Variants in PDE6A observed in about 807,000 individuals in gnomAD.
The protein encoded by PDE6A is phosphodiesterase 6A.
PDE6A carries 84 observed loss-of-function variants against 106.3 expected under a neutral mutation model. The ratio of observed to expected loss-of-function variants is 0.79; its 90% confidence interval spans 0.66 to 0.95. The LOEUF (loss-of-function observed/expected upper bound fraction) is 0.95. Ranked by LOEUF, PDE6A falls within the 40% of genes least tolerant of loss-of-function variation. PDE6A has a pLI of 0.00. For synonymous variants in PDE6A, 394 were observed against 386.6 expected, an observed-to-expected ratio of 1.02 and a Z score of -0.23; for missense variants, 1,052 against 1,084.9, an observed-to-expected ratio of 0.97 and a Z score of 0.43.
intron 4 of PDE6A, among the ~76,000 whole-genome samples, chr5:149,924,266 C>T (rs1176194914): frequency 6.6e-6 from 1 of 152,008 alleles, no homozygotes; most frequent in Non-Finnish European, 1.5e-5. Context: ...TAGAGGAGCC[C>T]AGAAGAAGAA....
intron 1 of PDE6A, 55 bp downstream of exon 1, chr5:149,944,145 C>T: frequency 6.9e-7 from 1 of 1,445,092 alleles, no homozygotes; most frequent in Non-Finnish European, 9.7e-7. Context: ...CACCTGTACC[C>T]CAGAACTCCA....
intron 17 of PDE6A, among the ~76,000 whole-genome samples, chr5:149,878,002 C>T (rs183021678): frequency 1.2e-4 from 18 of 152,264 alleles, no homozygotes; most frequent in Admixed American, 2.6e-4. Flanking sequence ...ATAGTCCCTC[C>T]GTTTGGCTGC....
chr5:149,873,332 CT>C (rs527562371), intron 17 of PDE6A, among the ~76,000 whole-genome samples: 9,375 of 137,172 alleles, frequency 0.068, 226 homozygotes, highest in Non-Finnish European at 0.091. Flanking sequence ...ATGAGATACT[CT>C]TTTTTTTTTT....
At chr5:149,943,781 A>ACTGTGTAGAAGTACTGTGGAG (rs1561794815) in intron 1 of PDE6A, among the ~76,000 whole-genome samples, 1 of 151,042 alleles carries the variant, frequency 6.6e-6, no homozygotes, top group Admixed American at 6.6e-5. Context: ...GTACTGTGGA[A>ACTGTGTAGAAGTACTGTGGAG]GTACTGTGTA....
At chr5:149,939,018 C>T (rs544006177) in intron 1 of PDE6A, among the ~76,000 whole-genome samples, 1 of 152,362 alleles carries the variant, frequency 6.6e-6, no homozygotes, top group South Asian at 2.1e-4. Flanking sequence ...CTCCTTCACC[C>T]AGCCCCAGTC....
At chr5:149,899,623 G>A (rs991799515) in intron 8 of PDE6A, 99 bp from the exon 9 acceptor site, 16 of 1,129,746 alleles carry the variant, frequency 1.4e-5, no homozygotes, top group Admixed American at 1.3e-4. Context: ...TGGCTGAGAG[G>A]AGGTGGCAAG....
In PDE6A at chr5:149,860,834, GC is replaced by G; in HGVS notation, c.*60del. Reference sequence around the variant, plus strand: ...TCTCAAGGTGTGTGGTCTTCCACTGGCTTGAGTCATCTCTTCCCAGGAAAGG... The same window carrying G: ...TCTCAAGGTGTGTGGTCTTCCACTGGTTGAGTCATCTCTTCCCAGGAAAGG... On this transcript the variant is annotated 3_prime_UTR_variant, in exon 22 of 22. Transcript: ENST00000255266. 1.4e-6 allele frequency: 2 copies of G among 1,388,384 alleles called. No individual in the cohort carries two copies. The highest frequency in any genetic ancestry group is 2.3e-5 in the South Asian group (2 of 85,944). 86.0% of individuals were successfully genotyped at this position (1,388,384 alleles called of 1,614,324 possible).
At chr5:149,940,523 G>GTT (rs1754300687) in intron 1 of PDE6A, among the ~76,000 whole-genome samples, 1 of 99,892 alleles carries the variant, frequency 1.0e-5, no homozygotes, top group Non-Finnish European at 2.0e-5. Flanking sequence ...TTTGGAGACA[G>GTT]TTTTGCTCTT....
chr5:149,877,903 C>T lies in PDE6A; in HGVS notation c.2135+5526G>A, dbSNP rs114905523. Among the ~76,000 whole-genome samples the T allele has an allele frequency of 8.2e-3, 1,249 of 152,290 alleles. 15 individuals carry two copies. The highest frequency in any genetic ancestry group is 0.028 in the African/African-American group (1,151 of 41,554). ...CACATCCAAGGGGTTTTCAGGGCTA[C>T]TGCAGGACTTGAGTTTGTACCAATT... On this transcript the variant is annotated intron_variant, in intron 17 of 21. Coordinates refer to ENST00000255266, the MANE Select transcript of PDE6A (RefSeq NM_000440.3).
chr5:149,923,510 TAA>T (rs1280048973), intron 4 of PDE6A, among the ~76,000 whole-genome samples: 474 of 1,532 alleles, frequency 0.31, 7 homozygotes, highest in African/African-American at 0.39. Context: ...ATAAATAACA[TAA>T]CATAACATAA....
intron 13 of PDE6A, among the ~76,000 whole-genome samples, chr5:149,890,018 C>T (rs928087782): frequency 3.1e-4 from 46 of 148,376 alleles, no homozygotes; most frequent in African/African-American, 1.0e-3. Flanking sequence ...TGCAGTGGCA[C>T]GATCTCAACT....
Position 149,915,725 on chromosome 5 carries a change from T to C in PDE6A, c.934-718A>G, listed in dbSNP as rs567365899. ...TTTGTCATACCCAAATAAAAGAGAGTTGAGAAGCCAGGGGGCAAAAAAGTA... is the reference window on the plus strand; with the variant it reads ...TTTGTCATACCCAAATAAAAGAGAGCTGAGAAGCCAGGGGGCAAAAAAGTA... On this transcript the variant is annotated intron_variant, in intron 5 of 21. Transcript: ENST00000255266. 7.9e-5 allele frequency among the ~76,000 whole-genome samples: 12 copies of C among 152,178 alleles called. No homozygotes were observed. The South Asian group carries it at 2.5e-3, about 32-fold the overall frequency.
chr5:149,944,530 G>A lies in PDE6A; in HGVS notation c.144C>T (p.Asn48=). ...CCTCCATGCTGCTCGGGGAGTGGTAGTTGCTGAAGTCCACGGCAGCCTCCT... is the reference window on the plus strand; with the variant it reads ...CCTCCATGCTGCTCGGGGAGTGGTAATTGCTGAAGTCCACGGCAGCCTCCT... The part of the protein sequence containing the change: ...GAKEAAVDFS[N]YHSPSSMEES... The change falls in exon 1 of 22, where the codon AAC becomes AAT. Residue 48 remains asparagine, a synonymous_variant. Coordinates refer to ENST00000255266, the MANE Select transcript of PDE6A (RefSeq NM_000440.3). The A allele has an allele frequency of 6.2e-7, 1 of 1,614,104 alleles. No individual in the cohort carries two copies. Among genetic ancestry groups the A allele is most frequent in the Non-Finnish European group, 8.5e-7 (1 of 1,180,020 alleles).
chr5:149,876,713 C>T (rs1269454761), intron 17 of PDE6A, among the ~76,000 whole-genome samples: 4 of 152,092 alleles, frequency 2.6e-5, no homozygotes, highest in Non-Finnish European at 5.9e-5. Context: ...ACCATGTTCC[C>T]CAGGCTGGTC....
chr5:149,903,588 A>T, intron 8 of PDE6A, 60 bp downstream of exon 8: 1 of 1,291,436 alleles, frequency 7.7e-7, no homozygotes, highest in Middle Eastern at 1.8e-4. Context: ...ATGTATTCTA[A>T]TGCTCTTTGG....
At chr5:149,939,137 G>C (rs1424782853) in intron 1 of PDE6A, among the ~76,000 whole-genome samples, 2 of 152,148 alleles carry the variant, frequency 1.3e-5, no homozygotes, top group Non-Finnish European at 2.9e-5. Context: ...CAAATACCAA[G>C]TACGCAGGGA....
In PDE6A at chr5:149,860,798, A is replaced by C; in HGVS notation, c.*97T>G. 1.0e-6 allele frequency: 1 copy of C among 1,002,886 alleles called. No individual in the cohort carries two copies. The highest frequency in any genetic ancestry group is 1.6e-6 in the Non-Finnish European group (1 of 639,644). 62.1% of individuals were successfully genotyped at this position (1,002,886 alleles called of 1,614,324 possible). ...TCTCTAACAGCTTTCAAATCCTATG[A>C]CTCTTCTACTTCTCAAGGTGTGTGG... On this transcript the variant is annotated 3_prime_UTR_variant, in exon 22 of 22. Transcript: ENST00000255266.
intron 15 of PDE6A, 43 bp downstream of exon 15, chr5:149,884,737 G>A: frequency 6.4e-7 from 1 of 1,562,998 alleles, no homozygotes; most frequent in Non-Finnish European, 8.8e-7. Flanking sequence ...TAGAGCCTCT[G>A]ATCCAGGCCC....
At chr5:149,909,577 C>T (rs79611125) in intron 6 of PDE6A, among the ~76,000 whole-genome samples, 2,717 of 152,224 alleles carry the variant, frequency 0.018, 85 homozygotes, top group African/African-American at 0.061. Context: ...AAACCCTCAC[C>T]GAATTATCCT....
Sources: allele counts gnomAD v4.1 joint callset (sites outside exome capture counted in the v4.1 genomes callset), GRCh38; gene constraint gnomAD v4.1.1; transcripts MANE v1.5; gene names NCBI Gene and HGNC (gene_info 2026-07-23, HGNC 2026-07-21).